MICU3: variants seen among roughly 807,000 people sequenced by gnomAD.
MICU3 encodes mitochondrial calcium uptake 3.
A neutral mutation model predicts 66.5 loss-of-function variants in MICU3; 62 were observed. The ratio of observed to expected loss-of-function variants is 0.93; its 90% CI spans 0.76 to 1.15. The LOEUF is 1.15. MICU3 is among the 50% of genes most tolerant of loss of function. MICU3 has a pLI of 0.00. For missense variants in MICU3, 779 were observed against 664.4 expected (o/e 1.17, Z -1.90); for synonymous variants, 308 against 240.7 (o/e 1.28, Z -2.59).
At chr8:17,128,758 AC>A in the MICU3 span, among the ~76,000 whole-genome samples, 1 of 152,170 alleles carries the variant, frequency 6.6e-6, no homozygotes, top group Non-Finnish European at 1.5e-5. Flanking sequence ...TGGAGCCCAG[AC>A]AAAAAAGAGT....
intron 1 of MICU3, among the ~76,000 whole-genome samples, chr8:17,059,559 C>A (rs1020676475): frequency 2.0e-5 from 3 of 152,106 alleles, no homozygotes; most frequent in Non-Finnish European, 4.4e-5. Context: ...GGAGAAGCTA[C>A]AACTGTCACC....
chr8:17,059,564 G>C (rs187100090), intron 1 of MICU3, among the ~76,000 whole-genome samples: 62 of 152,244 alleles, frequency 4.1e-4, no homozygotes, highest in African/African-American at 1.3e-3. Flanking sequence ...AGCTACAACT[G>C]TCACCATTTT....
chr8:17,072,642 C>A (rs1271950256), intron 3 of MICU3, among the ~76,000 whole-genome samples: 1 of 151,830 alleles, frequency 6.6e-6, no homozygotes, highest in East Asian at 1.9e-4. Flanking sequence ...ACGTAGAACC[C>A]CTTTTTTTAT....
chr8:17,036,578 G>A (rs1230264188), intron 1 of MICU3, among the ~76,000 whole-genome samples: 1 of 152,142 alleles, frequency 6.6e-6, no homozygotes, highest in African/African-American at 2.4e-5. Flanking sequence ...TAGATACAGA[G>A]TTTCGACACA....
In MICU3 at chr8:17,027,598, C is replaced by T. The variant is rs985011168; in HGVS notation, c.319C>T (p.Pro107Ser). ...GRPSKSAATE[P>S]EDPPRGRGML... ...ACCCTCAAAGAGCGCGGCCACGGAGCCCGAGGACCCGCCCCGCGGCCGGGG... is the reference window on the plus strand; with the variant it reads ...ACCCTCAAAGAGCGCGGCCACGGAGTCCGAGGACCCGCCCCGCGGCCGGGG... Residue 107 changes from proline to serine, a missense_variant, in exon 1 of 15, where the codon CCC (proline) becomes TCC (serine). Pro to Ser is a moderately conservative substitution (Grantham distance 74). Transcript: ENST00000318063. 1 of 1,302,456 alleles carries T rather than the reference C, an allele frequency of 7.7e-7. No individual in the cohort carries two copies. The highest frequency in any genetic ancestry group is 4.0e-5 in the Admixed American group (1 of 25,204). The allele number at this position is 1,302,456 out of a possible 1,614,324, so 80.7% of individuals were successfully genotyped here. A position where few individuals can be genotyped will look rare whatever the true frequency, so the allele number is the denominator to read the frequency against.
At chr8:17,045,924 C>A (rs1814993701) in intron 1 of MICU3, among the ~76,000 whole-genome samples, 1 of 152,202 alleles carries the variant, frequency 6.6e-6, no homozygotes, top group African/African-American at 2.4e-5. Context: ...CAGTTACCTC[C>A]CATTGGGTCC....
At chr8:17,082,567 T>G (rs1263047022) in intron 5 of MICU3, among the ~76,000 whole-genome samples, 3 of 152,176 alleles carry the variant, frequency 2.0e-5, no homozygotes, top group Admixed American at 6.6e-5. Flanking sequence ...AGATTTTTTC[T>G]TTTTTGTTCA....
At chr8:17,077,720 T>C (rs1820587068) in intron 3 of MICU3, 63 bp from the exon 4 acceptor site, 5 of 1,164,286 alleles carry the variant, frequency 4.3e-6, no homozygotes, top group Non-Finnish European at 5.0e-6. Flanking sequence ...TTTAAACATG[T>C]TTTTGATCTA....
chr8:17,082,709 G>A (rs1409025838), intron 5 of MICU3, among the ~76,000 whole-genome samples: 1 of 152,016 alleles, frequency 6.6e-6, no homozygotes, highest in East Asian at 1.9e-4. Context: ...GGAGATGCAT[G>A]GAAACAAGAA....
At chr8:17,067,731 G>A (rs1232003050) in intron 2 of MICU3, among the ~76,000 whole-genome samples, 1 of 152,102 alleles carries the variant, frequency 6.6e-6, no homozygotes, top group African/African-American at 2.4e-5. Context: ...AAGCCACCAT[G>A]CCCAGCCCAT....
chr8:17,035,500 G>A lies in MICU3; in HGVS notation c.381+7840G>A, dbSNP rs532394346. ...GGCTGAGTTGATCTCTAATGGAGAC[G>A]AGGAACTTGTTGGGAACTGGAGCAA... On this transcript the variant is annotated intron_variant, in intron 1 of 14. Transcript: ENST00000318063. 2.6e-5 allele frequency among the ~76,000 whole-genome samples: 4 copies of A among 152,310 alleles called. No homozygotes were observed. The East Asian group carries it at 7.7e-4, about 29-fold the overall frequency.
intron 1 of MICU3, among the ~76,000 whole-genome samples, chr8:17,046,212 T>G (rs1235329583): frequency 6.6e-6 from 1 of 152,168 alleles, no homozygotes; most frequent in African/African-American, 2.4e-5. Context: ...TCTTGGGAAC[T>G]GAGCCCTTAA....
At chr8:17,116,707 A>G (rs1802715834) in intron 13 of MICU3, 107 bp downstream of exon 13, 1 of 822,246 alleles carries the variant, frequency 1.2e-6, no homozygotes, top group South Asian at 2.1e-5. Flanking sequence ...GGATATAAAC[A>G]TGAATGCTTT....
intron 1 of MICU3, among the ~76,000 whole-genome samples, chr8:17,034,148 A>G (rs1812566391): frequency 6.6e-6 from 1 of 152,298 alleles, no homozygotes; most frequent in East Asian, 1.9e-4. Flanking sequence ...GCCCTTAAGA[A>G]TTATGCTAAA....
intron 8 of MICU3, among the ~76,000 whole-genome samples, chr8:17,091,990 G>T (rs943843140): frequency 6.6e-6 from 1 of 151,938 alleles, no homozygotes; most frequent in Non-Finnish European, 1.5e-5. Context: ...TGATTCTTCT[G>T]CCTCAGCCTC....
At chr8:17,036,834 G>A (rs888311956) in intron 1 of MICU3, among the ~76,000 whole-genome samples, 1 of 152,248 alleles carries the variant, frequency 6.6e-6, no homozygotes, top group African/African-American at 2.4e-5. Flanking sequence ...CAGCCCTTGG[G>A]TGGTCGATGG....
chr8:17,109,429 G>C (rs945580601), intron 11 of MICU3, among the ~76,000 whole-genome samples: 2 of 152,050 alleles, frequency 1.3e-5, no homozygotes, highest in Non-Finnish European at 2.9e-5. Flanking sequence ...TGGCCTAAAT[G>C]TCTTTCAGTA....
chr8:17,045,851 C>G (rs896489954), intron 1 of MICU3, among the ~76,000 whole-genome samples: 1 of 152,192 alleles, frequency 6.6e-6, no homozygotes, highest in South Asian at 2.1e-4. Flanking sequence ...ATAAAACTGT[C>G]AGATCTCATG....
At chr8:17,060,042 A>G (rs964724653) in intron 1 of MICU3, among the ~76,000 whole-genome samples, 1 of 152,244 alleles carries the variant, frequency 6.6e-6, no homozygotes, top group Non-Finnish European at 1.5e-5. Context: ...ATTGACAGGT[A>G]CAGTGTTGTT....
Sources: allele counts gnomAD v4.1 joint callset (sites outside exome capture counted in the v4.1 genomes callset), GRCh38; gene constraint gnomAD v4.1.1; transcripts MANE v1.5; gene names NCBI Gene and HGNC (gene_info 2026-07-23, HGNC 2026-07-21).